CD1B: variants seen among roughly 807,000 people sequenced by gnomAD.
CD1B encodes the protein T-cell surface glycoprotein CD1b.
CD1B carries 43 observed loss-of-function variants against 39.8 expected under a neutral mutation model. The ratio of observed to expected loss-of-function variants is 1.08; its 90% CI spans 0.85 to 1.39. The LOEUF is 1.39. CD1B is among the 40% of genes most tolerant of loss of function. The probability of loss-of-function intolerance (pLI) is 0.00; values close to 1 mark genes in which losing one functional copy is unlikely to be tolerated. For missense variants in CD1B, 495 were observed against 403.8 expected (o/e 1.23, Z -1.94); for synonymous variants, 192 against 152.5 (o/e 1.26, Z -1.91).
At chr1:158,331,216 C>A in intron 1 of CD1B, 147 bp downstream of exon 1, 1 of 1,073,200 alleles carries the variant, frequency 9.3e-7, no homozygotes, top group Non-Finnish European at 1.4e-6. Flanking sequence ...GCTTCAGGTT[C>A]TAGTCCCAAC....
At chr1:158,285,746 C>T in the CD1B span, among the ~76,000 whole-genome samples, 1 of 152,158 alleles carries the variant, frequency 6.6e-6, no homozygotes, top group African/African-American at 2.4e-5. Flanking sequence ...GTTTTCATAG[C>T]TCTCAGACTG....
chr1:158,325,670 C>T (rs1652325820), downstream of CD1B, among the ~76,000 whole-genome samples: 1 of 152,054 alleles, frequency 6.6e-6, no homozygotes, highest in South Asian at 2.1e-4. Flanking sequence ...CACACGCACA[C>T]ACACAATTTC....
intron 2 of CD1B, 28 bp from the exon 3 acceptor site, chr1:158,330,158 A>G: frequency 1.9e-6 from 3 of 1,557,134 alleles, no homozygotes; most frequent in Non-Finnish European, 2.6e-6. Context: ...AGAGCAAGTT[A>G]TTAAACACAA....
rs182213715 is a variant in CD1B, at chr1:158,328,208, C to A, written c.*28G>T. 3.8e-6 allele frequency: 6 copies of A among 1,589,364 alleles called. No homozygotes were observed. The highest frequency in any genetic ancestry group is 1.3e-5 in the African/African-American group (1 of 74,358). ...ATCTTGGGCTTCTTGGTACTTATTG[C>A]GAATGGGAGAGGAGACATGATGATG... is the stretch of plus-strand genomic sequence containing the variant. On this transcript the variant is annotated 3_prime_UTR_variant, in exon 6 of 6. Transcript: ENST00000368168.
At chr1:158,312,169 C>A in the CD1B span, among the ~76,000 whole-genome samples, 1 of 152,154 alleles carries the variant, frequency 6.6e-6, no homozygotes, top group Admixed American at 6.6e-5. Flanking sequence ...CCACCCAAAT[C>A]TCATCTTGTA....
the CD1B span, among the ~76,000 whole-genome samples, chr1:158,321,196 A>G: frequency 6.6e-6 from 1 of 152,226 alleles, no homozygotes; most frequent in South Asian, 2.1e-4. Flanking sequence ...ATTGTTGGGT[A>G]CATGCATATT....
chr1:158,293,149 T>G, the CD1B span: 4 of 1,258,358 alleles, frequency 3.2e-6, no homozygotes, highest in Non-Finnish European at 4.6e-6. Flanking sequence ...AGGAAATCAA[T>G]AGATGGAATA....
the CD1B span, among the ~76,000 whole-genome samples, chr1:158,307,479 A>T: frequency 6.6e-6 from 1 of 152,188 alleles, no homozygotes; most frequent in Non-Finnish European, 1.5e-5. Context: ...GACCCAATGG[A>T]TTCACTGCCA....
At chr1:158,305,450 T>C in the CD1B span, among the ~76,000 whole-genome samples, 2 of 152,220 alleles carry the variant, frequency 1.3e-5, no homozygotes, top group Non-Finnish European at 2.9e-5. Context: ...CAAATCTATG[T>C]CTGATTGGTG....
intron 2 of CD1B, 88 bp from the exon 3 acceptor site, chr1:158,330,218 G>A: frequency 8.2e-7 from 1 of 1,224,224 alleles, no homozygotes; most frequent in Non-Finnish European, 1.1e-6. Flanking sequence ...GATTTTGGTG[G>A]GGATAAAGTT....
At chr1:158,289,953 G>T in the CD1B span, 45 of 921,938 alleles carry the variant, frequency 4.9e-5, no homozygotes, top group Admixed American at 7.9e-4. Flanking sequence ...AGCGGCTGAT[G>T]GGGAAGATTG....
chr1:158,331,493 T>G lies in CD1B; in HGVS notation c.-70A>C, dbSNP rs1652604090. The G allele has an allele frequency of 1.6e-6, 2 of 1,270,274 alleles. No individual in the cohort carries two copies. The highest frequency in any genetic ancestry group is 2.3e-6 in the Non-Finnish European group (2 of 875,884). 78.7% of individuals were successfully genotyped at this position (1,270,274 alleles called of 1,614,324 possible). A position where few individuals can be genotyped will look rare whatever the true frequency, so the allele number is the denominator to read the frequency against. ...TCTCCAATTTCAGCAAAGCTTTTCC[T>G]CAGTACCCTGTAGTGACTTCTTCTC... On this transcript the variant is annotated 5_prime_UTR_variant, in exon 1 of 6. Transcript: ENST00000368168.
At chr1:158,316,157 A>G in the CD1B span, among the ~76,000 whole-genome samples, 2 of 152,034 alleles carry the variant, frequency 1.3e-5, no homozygotes, top group Non-Finnish European at 2.9e-5. Flanking sequence ...TTTTGGTTCC[A>G]TATGAACTAA....
the CD1B span, among the ~76,000 whole-genome samples, chr1:158,307,835 C>A: frequency 1.3e-5 from 2 of 152,136 alleles, no homozygotes; most frequent in African/African-American, 4.8e-5. Context: ...GGATGTATCT[C>A]AAAATAATAA....
At chr1:158,319,184 G>A in the CD1B span, among the ~76,000 whole-genome samples, 1 of 151,246 alleles carries the variant, frequency 6.6e-6, no homozygotes, top group Admixed American at 6.6e-5. Flanking sequence ...GGTGTTCTCT[G>A]TATTTCCTGA....
chr1:158,292,875 G>A, the CD1B span: 1 of 1,613,694 alleles, frequency 6.2e-7, no homozygotes, highest in Non-Finnish European at 8.5e-7. Context: ...CTCTACTGGG[G>A]TAAGACTGGA....
downstream of CD1B, among the ~76,000 whole-genome samples, chr1:158,326,990 T>G (rs1652376728): frequency 6.6e-6 from 1 of 152,024 alleles, no homozygotes; most frequent in African/African-American, 2.4e-5. Context: ...AGAGACAGAT[T>G]TTTGCCATGT....
At chr1:158,320,436 C>T in the CD1B span, among the ~76,000 whole-genome samples, 2 of 152,184 alleles carry the variant, frequency 1.3e-5, no homozygotes, top group Admixed American at 6.5e-5. Context: ...TGCCGTCCGT[C>T]ACCCCTTTCT....
intron 5 of CD1B, among the ~76,000 whole-genome samples, chr1:158,328,615 G>A (rs769248996): frequency 1.5e-4 from 23 of 152,158 alleles, no homozygotes; most frequent in East Asian, 3.8e-4. Context: ...AACTTGCAGC[G>A]TAATAGGAAT....
Sources: gnomAD v4.1 joint callset for allele counts (sites outside exome capture counted in the v4.1 genomes callset) on GRCh38, gnomAD v4.1.1 for gene constraint, MANE v1.5 for transcripts, NCBI Gene and HGNC (gene_info 2026-07-23, HGNC 2026-07-21) for gene names.